Variants in GNAQ observed in about 807,000 individuals in gnomAD.
The protein encoded by GNAQ is G protein subunit alpha q, also known as guanine nucleotide-binding protein G(q) subunit alpha.
A neutral mutation model predicts 43.9 loss-of-function variants in GNAQ; 8 were observed. That is an observed-to-expected ratio of 0.18 (90% CI 0.11 to 0.33). The LOEUF (loss-of-function observed/expected upper bound fraction) is 0.33, where lower values mean the gene tolerates loss of function less well. Among genes scored for constraint, GNAQ ranks in the 10% least tolerant of loss-of-function variants. GNAQ has a pLI of 1.00. For synonymous variants in GNAQ, 155 were observed against 170.7 expected (o/e 0.91, Z 0.71); for missense variants, 158 against 450.8 (o/e 0.35, Z 5.88).
At position 77,903,750 on chromosome 9, in the gene GNAQ, C is replaced by T. The variant is rs540621740; in HGVS notation, c.321+18411G>A. Among the ~76,000 whole-genome samples the T allele has an allele frequency of 3.9e-5, 6 of 152,024 alleles. No homozygotes were observed. In the South Asian group the frequency reaches 1.2e-3, roughly 32 times the overall value. ...GTGTATATATACATATACACACACACACATATATATACACACCTTATTTTA... is the reference window on the plus strand; with the variant it reads ...GTGTATATATACATATACACACACATACATATATATACACACCTTATTTTA... On this transcript the variant is annotated intron_variant, in intron 2 of 6. Transcript: ENST00000286548.
Position 77,990,206 on chromosome 9 carries a change from T to C in GNAQ, c.136+40894A>G, listed in dbSNP as rs564837922. ...GGAATTGGAGGATTCTTGTTGAAAA[T>C]TGATCTTTTATTTTATTGTATTTCT... On this transcript the variant is annotated intron_variant, in intron 1 of 6. Coordinates refer to ENST00000286548, the MANE Select transcript of GNAQ (RefSeq NM_002072.5). Among the ~76,000 whole-genome samples the C allele has an allele frequency of 9.9e-5, 15 of 152,206 alleles. No individual in the cohort carries two copies. The South Asian group carries it at 1.9e-3, about 19-fold the overall frequency.
intron 1 of GNAQ, among the ~76,000 whole-genome samples, chr9:77,981,327 A>C (rs1823365574): frequency 6.6e-6 from 1 of 152,244 alleles, no homozygotes; most frequent in Non-Finnish European, 1.5e-5. Context: ...GAAAAAATAT[A>C]ATCAGTCCTT....
At chr9:77,844,901 C>T (rs886417447) in intron 2 of GNAQ, among the ~76,000 whole-genome samples, 4 of 152,086 alleles carry the variant, frequency 2.6e-5, no homozygotes, top group Admixed American at 6.6e-5. Flanking sequence ...TCTCGAACTC[C>T]TGACCTTGGG....
At chr9:77,932,881 A>G (rs971222028) in intron 1 of GNAQ, among the ~76,000 whole-genome samples, 7 of 152,258 alleles carry the variant, frequency 4.6e-5, no homozygotes, top group Admixed American at 3.9e-4. Flanking sequence ...ACAAAAAAAA[A>G]TCCTAAAAAA....
chr9:77,744,821 A>G (rs2118271671), intron 5 of GNAQ, among the ~76,000 whole-genome samples: 1 of 152,334 alleles, frequency 6.6e-6, no homozygotes, highest in Admixed American at 6.5e-5. Context: ...GGATTTAAAT[A>G]AAATCTCCAG....
intron 1 of GNAQ, among the ~76,000 whole-genome samples, chr9:77,931,046 C>G (rs1215697728): frequency 6.6e-6 from 1 of 151,524 alleles, no homozygotes; most frequent in Non-Finnish European, 1.5e-5. Flanking sequence ...AGTCTTATCC[C>G]GAAACCAACC....
intron 2 of GNAQ, among the ~76,000 whole-genome samples, chr9:77,908,071 C>G (rs1020868426): frequency 6.6e-6 from 1 of 152,190 alleles, no homozygotes; most frequent in African/African-American, 2.4e-5. Context: ...AATTAGAACA[C>G]TACTACTTAC....
chr9:77,728,104 C>A (rs1825427915), intron 6 of GNAQ, among the ~76,000 whole-genome samples: 1 of 152,080 alleles, frequency 6.6e-6, no homozygotes, highest in Non-Finnish European at 1.5e-5. Context: ...AAGCAATTCT[C>A]CTGCCTCAGC....
Position 77,808,705 on chromosome 9 carries a change from G to A in GNAQ, c.476+6911C>T, listed in dbSNP as rs376561131. Reference sequence around the variant, plus strand: ...TTCAGAATTTAGGAGGAGAATTTAAGGATTATGTATCACATATAATCTATG... The same window carrying A: ...TTCAGAATTTAGGAGGAGAATTTAAAGATTATGTATCACATATAATCTATG... On this transcript the variant is annotated intron_variant, in intron 3 of 6. Coordinates refer to ENST00000286548, the MANE Select transcript of GNAQ (RefSeq NM_002072.5). Among the ~76,000 whole-genome samples the A allele has an allele frequency of 2.3e-4, 35 of 152,184 alleles. 3 individuals are homozygous for A. The highest frequency in any genetic ancestry group is 8.4e-4 in the African/African-American group (35 of 41,524).
chr9:77,839,213 G>T (rs1257543865), intron 2 of GNAQ, among the ~76,000 whole-genome samples: 1 of 152,136 alleles, frequency 6.6e-6, no homozygotes, highest in Non-Finnish European at 1.5e-5. Flanking sequence ...CTGAATCATT[G>T]GTTAATCAAA....
intron 2 of GNAQ, among the ~76,000 whole-genome samples, chr9:77,893,067 G>T (rs767801586): frequency 6.6e-6 from 1 of 152,166 alleles, no homozygotes; most frequent in East Asian, 1.9e-4. Context: ...AGCTTCAACA[G>T]GGTCATGATG....
chr9:77,802,246 C>T (rs114991260), intron 3 of GNAQ, among the ~76,000 whole-genome samples: 2,031 of 152,178 alleles, frequency 0.013, 41 homozygotes, highest in African/African-American at 0.046. Flanking sequence ...CTGCTGCCCG[C>T]ATAACCCCCA....
chr9:77,748,334 T>C (rs1164273110), intron 5 of GNAQ, among the ~76,000 whole-genome samples: 1 of 152,206 alleles, frequency 6.6e-6, no homozygotes, highest in African/African-American at 2.4e-5. Context: ...AGTAAATGAC[T>C]GAGGTTTTCC....
chr9:77,827,780 T>C (rs79053008), intron 2 of GNAQ, among the ~76,000 whole-genome samples: 6,232 of 152,142 alleles, frequency 0.041, 375 homozygotes, highest in African/African-American at 0.13. Context: ...TCAATCTTTC[T>C]AGAGCATCAA....
intron 2 of GNAQ, among the ~76,000 whole-genome samples, chr9:77,869,948 T>C (rs891215168): frequency 6.6e-6 from 1 of 152,232 alleles, no homozygotes; most frequent in Non-Finnish European, 1.5e-5. Context: ...AATGTTTATA[T>C]CTACATGTGT....
intron 3 of GNAQ, among the ~76,000 whole-genome samples, chr9:77,806,953 T>C (rs1028183813): frequency 2.0e-5 from 3 of 152,194 alleles, no homozygotes; most frequent in African/African-American, 7.2e-5. Flanking sequence ...GAGCAATAAA[T>C]AGGTCATACT....
In GNAQ at chr9:77,718,242, G is replaced by C. The variant is rs549224515; in HGVS notation, c.*3081C>G. On this transcript the variant is annotated 3_prime_UTR_variant, in exon 7 of 7. Coordinates refer to ENST00000286548, the MANE Select transcript of GNAQ (RefSeq NM_002072.5). ...CAACAATAGGAGGCCAGTGGCACAC[G>C]CTTATAACGCTTGCAATCACAATAT... 4.3e-6 allele frequency: 1 copy of C among 232,524 alleles called. No individual in the cohort carries two copies. The highest frequency in any genetic ancestry group is 2.2e-5 in the African/African-American group (1 of 45,290). The allele number at this position is 232,524 out of a possible 1,614,324, so 14.4% of individuals were successfully genotyped here. A position where few individuals can be genotyped will look rare whatever the true frequency, so the allele number is the denominator to read the frequency against.
intron 2 of GNAQ, among the ~76,000 whole-genome samples, chr9:77,894,113 T>C (rs1353876275): frequency 6.6e-6 from 1 of 151,778 alleles, no homozygotes; most frequent in African/African-American, 2.4e-5. Flanking sequence ...GTAACAAAGC[T>C]AGCATTCCAA....
chr9:77,868,268 G>A (rs1210093103), intron 2 of GNAQ, among the ~76,000 whole-genome samples: 1 of 152,130 alleles, frequency 6.6e-6, no homozygotes. Flanking sequence ...CATTCTTGGT[G>A]TTCAGTATTA....
Sources: gnomAD v4.1 joint callset for allele counts (sites outside exome capture counted in the v4.1 genomes callset) on GRCh38, gnomAD v4.1.1 for gene constraint, MANE v1.5 for transcripts, NCBI Gene and HGNC (gene_info 2026-07-23, HGNC 2026-07-21) for gene names.